The following KDM4C variants were observed in gnomAD, a reference collection of about 807,000 sequenced individuals.
KDM4C encodes the protein lysine-specific demethylase 4C.
A neutral mutation model predicts 129.3 loss-of-function variants in KDM4C; 81 were observed. That is an observed-to-expected ratio of 0.63 (90% CI 0.52 to 0.75). The LOEUF (loss-of-function observed/expected upper bound fraction) is 0.75, where lower values mean the gene tolerates loss of function less well. Ranked by LOEUF, KDM4C falls within the 30% of genes least tolerant of loss-of-function variation. KDM4C has a pLI of 0.00. For missense variants in KDM4C, 1,457 were observed against 1,304.0 expected, an observed-to-expected ratio of 1.12 and a Z score of -1.81; for synonymous variants, 573 against 456.1, an observed-to-expected ratio of 1.26 and a Z score of -3.26.
intron 19 of KDM4C, among the ~76,000 whole-genome samples, chr9:7,143,616 A>G (rs1841965342): frequency 6.6e-6 from 1 of 152,044 alleles, no homozygotes; most frequent in Non-Finnish European, 1.5e-5. Context: ...TCTACATATT[A>G]TTTTCATTCT....
At chr9:6,835,706 G>A in intron 4 of KDM4C, 2 of 662,592 alleles carry the variant, frequency 3.0e-6, no homozygotes, top group Non-Finnish European at 2.7e-6. Context: ...GTTTTGGCTT[G>A]ACTCAGGATT....
chr9:7,016,197 G>A (rs1454845121), intron 15 of KDM4C, among the ~76,000 whole-genome samples: 1 of 150,320 alleles, frequency 6.7e-6, no homozygotes, highest in Non-Finnish European at 1.5e-5. Context: ...GCAAGATCTT[G>A]GCTCACTGCA....
intron 1 of KDM4C, among the ~76,000 whole-genome samples, chr9:6,735,304 C>A (rs563551138): frequency 6.6e-6 from 1 of 152,320 alleles, no homozygotes; most frequent in East Asian, 1.9e-4. Context: ...CTTTGCCAAT[C>A]TTAGTATTGC....
At chr9:6,906,201 G>GT (rs1008808077) in intron 8 of KDM4C, among the ~76,000 whole-genome samples, 3 of 151,888 alleles carry the variant, frequency 2.0e-5, no homozygotes, top group East Asian at 1.9e-4. Flanking sequence ...CTTTTCCCTT[G>GT]TTTTTTTTCT....
intron 5 of KDM4C, among the ~76,000 whole-genome samples, chr9:6,863,442 T>A (rs1040929937): frequency 6.6e-6 from 1 of 152,058 alleles, no homozygotes; most frequent in Non-Finnish European, 1.5e-5. Flanking sequence ...GAGGGTCACA[T>A]GTTGCTTCCA....
At chr9:7,138,258 G>C (rs1034989206) in intron 19 of KDM4C, among the ~76,000 whole-genome samples, 2 of 152,148 alleles carry the variant, frequency 1.3e-5, no homozygotes, top group African/African-American at 2.4e-5. Flanking sequence ...TATAATGCTT[G>C]TTGGTTGTGT....
At chr9:6,848,199 G>A (rs1254665949) in intron 4 of KDM4C, among the ~76,000 whole-genome samples, 2 of 152,092 alleles carry the variant, frequency 1.3e-5, no homozygotes, top group East Asian at 1.9e-4. Context: ...TGGCCAATGC[G>A]CTTCTCTAAT....
chr9:6,984,136 C>T (rs75111462), intron 9 of KDM4C, 30 bp from the exon 10 acceptor site: 44 of 1,459,084 alleles, frequency 3.0e-5, no homozygotes, highest in African/African-American at 1.4e-4. Context: ...GCAGACATCC[C>T]GCTCTGACCA....
chr9:6,831,630 G>A (rs1339584860), intron 4 of KDM4C, among the ~76,000 whole-genome samples: 4 of 152,106 alleles, frequency 2.6e-5, no homozygotes, highest in Admixed American at 2.6e-4. Flanking sequence ...GTGTAAGCCA[G>A]CGCACCCGGC....
chr9:7,069,839 C>T (rs987753293), intron 17 of KDM4C, among the ~76,000 whole-genome samples: 1 of 152,136 alleles, frequency 6.6e-6, no homozygotes, highest in Non-Finnish European at 1.5e-5. Context: ...GTGACAATTA[C>T]AATGTGAGAC....
Position 7,128,154 on chromosome 9 carries a change from T to C in KDM4C, c.2699T>C (p.Met900Thr). ...RNTRYYSCRV[M>T]AVTSQTFYEV... ...ACCCGGTATTACAGTTGCAGAGTGA[T>C]GGCTGTGACATCGCAGACCTTCTAT... Residue 900 changes from methionine to threonine, a missense_variant, in exon 19 of 22, where the codon ATG (methionine) becomes ACG (threonine). Physicochemically the swap from Met to Thr is moderately conservative, Grantham distance 81. Coordinates refer to ENST00000381309, the MANE Select transcript of KDM4C (RefSeq NM_015061.6). 1 of 1,613,472 alleles carries C rather than the reference T, an allele frequency of 6.2e-7. No homozygotes were observed. The highest frequency in any genetic ancestry group is 1.3e-5 in the African/African-American group (1 of 74,994).
At chr9:6,975,381 G>A (rs1184435487) in intron 8 of KDM4C, among the ~76,000 whole-genome samples, 1 of 152,218 alleles carries the variant, frequency 6.6e-6, no homozygotes, top group African/African-American at 2.4e-5. Context: ...ATGGAAAAAT[G>A]TGGCCATTTA....
At chr9:6,914,338 C>G (rs565141502) in intron 8 of KDM4C, among the ~76,000 whole-genome samples, 1 of 152,156 alleles carries the variant, frequency 6.6e-6, no homozygotes, top group Non-Finnish European at 1.5e-5. Flanking sequence ...GGATTACAGG[C>G]TGGGCTTACA....
intron 8 of KDM4C, chr9:6,948,310 A>G (rs898434679): frequency 5.9e-5 from 9 of 152,216 alleles, no homozygotes; most frequent in Admixed American, 4.6e-4. Flanking sequence ...GTTAGTTTCA[A>G]ATAACTCTTA....
intron 8 of KDM4C, among the ~76,000 whole-genome samples, chr9:6,978,276 A>T (rs553460025): frequency 1.3e-5 from 2 of 152,202 alleles, no homozygotes; most frequent in Admixed American, 1.3e-4. Context: ...ACAGTTTCTC[A>T]GCAAATTGAT....
At chr9:7,076,833 T>G (rs1313524027) in intron 17 of KDM4C, 1 of 1,008,876 alleles carries the variant, frequency 9.9e-7, no homozygotes, top group Non-Finnish European at 1.2e-6. Flanking sequence ...AAAATTGTCA[T>G]TGGAATCAAA....
At chr9:6,974,365 T>C (rs1028808956) in intron 8 of KDM4C, among the ~76,000 whole-genome samples, 1 of 152,246 alleles carries the variant, frequency 6.6e-6, no homozygotes, top group Non-Finnish European at 1.5e-5. Context: ...GTCTGCTTTT[T>C]TGTCTTTCTT....
Position 6,981,128 on chromosome 9 carries a change from C to G in KDM4C, c.1115+10C>G. 1 of 1,601,126 alleles carries G rather than the reference C, an allele frequency of 6.2e-7. No individual in the cohort carries two copies. The highest frequency in any genetic ancestry group is 1.1e-5 in the South Asian group (1 of 89,354). On this transcript the variant is annotated intron_variant, in intron 9 of 21. Transcript: ENST00000381309. ...GAAAAGCATCCCGAAGGTAATGACC[C>G]CTCACCCCACTGACCTGCCTTGCCT...
At chr9:6,762,516 A>G (rs1819756267) in intron 1 of KDM4C, among the ~76,000 whole-genome samples, 1 of 151,892 alleles carries the variant, frequency 6.6e-6, no homozygotes, top group African/African-American at 2.4e-5. Flanking sequence ...GGTGTATCAT[A>G]ATTAAAGTCA....
Sources: gnomAD v4.1 joint callset for allele counts (sites outside exome capture counted in the v4.1 genomes callset) on GRCh38, gnomAD v4.1.1 for gene constraint, MANE v1.5 for transcripts, NCBI Gene and HGNC (gene_info 2026-07-23, HGNC 2026-07-21) for gene names.